Variants in CSMD1 observed in about 807,000 individuals in gnomAD.
The protein encoded by CSMD1 is CUB and sushi domain-containing protein 1.
CSMD1 carries 213 observed loss-of-function variants against 417.5 expected under a neutral mutation model. That is an observed-to-expected ratio of 0.51 (90% CI 0.46 to 0.57). The LOEUF (loss-of-function observed/expected upper bound fraction) is 0.57. CSMD1 is among the 20% of genes least tolerant of loss of function. The pLI is 0.00. For synonymous variants in CSMD1, 2,862 were observed against 1,736.8 expected (o/e 1.65, Z -16.11); for missense variants, 6,923 against 4,529.7 (o/e 1.53, Z -15.17).
intron 2 of CSMD1, among the ~76,000 whole-genome samples, chr8:4,456,355 A>C (rs1265703618): frequency 6.6e-6 from 1 of 152,218 alleles, no homozygotes; most frequent in East Asian, 1.9e-4. Flanking sequence ...CATGTTGGTA[A>C]AAATACTGTA....
chr8:4,330,778 A>G (rs1209929449), intron 3 of CSMD1, among the ~76,000 whole-genome samples: 1 of 151,864 alleles, frequency 6.6e-6, no homozygotes, highest in Admixed American at 6.6e-5. Context: ...CTCCCTACTT[A>G]TCATTTCTTT....
chr8:4,718,763 T>A (rs1382254), intron 1 of CSMD1, among the ~76,000 whole-genome samples: 1 of 152,084 alleles, frequency 6.6e-6, no homozygotes, highest in Non-Finnish European at 1.5e-5. Context: ...TAAAAGAAAA[T>A]ACTCTTTTTA....
chr8:3,932,704 G>A (rs1563225444), intron 5 of CSMD1, among the ~76,000 whole-genome samples: 1 of 150,462 alleles, frequency 6.6e-6, no homozygotes, highest in African/African-American at 2.5e-5. Flanking sequence ...ATTCATTGTG[G>A]TGGACTCTAA....
At chr8:4,157,310 C>G (rs1584926905) in intron 3 of CSMD1, among the ~76,000 whole-genome samples, 1 of 152,182 alleles carries the variant, frequency 6.6e-6, no homozygotes, top group South Asian at 2.1e-4. Context: ...GGTCACTGCA[C>G]CAGCAACTCA....
chr8:3,965,101 A>G (rs1053435820), intron 5 of CSMD1, among the ~76,000 whole-genome samples: 1 of 152,194 alleles, frequency 6.6e-6, no homozygotes, highest in East Asian at 1.9e-4. Flanking sequence ...TAGTAAATGG[A>G]TAACTTCAGG....
intron 3 of CSMD1, among the ~76,000 whole-genome samples, chr8:4,067,582 TTTTG>T (rs775180875): frequency 1.1e-4 from 16 of 152,210 alleles, no homozygotes; most frequent in African/African-American, 1.7e-4. Context: ...ACAACAGCAT[TTTTG>T]TTTATTAATT....
chr8:3,021,434 G>A (rs969840124), intron 51 of CSMD1, among the ~76,000 whole-genome samples: 1 of 152,156 alleles, frequency 6.6e-6, no homozygotes, highest in Non-Finnish European at 1.5e-5. Context: ...ACTAAAAATA[G>A]GCTTTGTCAT....
chr8:3,017,739 TG>T (rs1808966432), intron 52 of CSMD1, among the ~76,000 whole-genome samples: 1 of 149,044 alleles, frequency 6.7e-6, no homozygotes, highest in Non-Finnish European at 1.5e-5. Context: ...GCTTAGTTCC[TG>T]AAGTGATCTT....
At chr8:3,358,405 C>T (rs992752347) in intron 21 of CSMD1, among the ~76,000 whole-genome samples, 13 of 152,290 alleles carry the variant, frequency 8.5e-5, no homozygotes, top group African/African-American at 2.4e-4. Context: ...TAGCTAACTA[C>T]GAGAGCTCTG....
intron 1 of CSMD1, among the ~76,000 whole-genome samples, chr8:4,687,948 G>T (rs1330769660): frequency 6.6e-6 from 1 of 152,068 alleles, no homozygotes; most frequent in Non-Finnish European, 1.5e-5. Context: ...TCACATCCTA[G>T]ACATTTAACT....
At chr8:4,920,266 G>C (rs948921036) in intron 1 of CSMD1, among the ~76,000 whole-genome samples, 3 of 152,070 alleles carry the variant, frequency 2.0e-5, no homozygotes, top group Non-Finnish European at 4.4e-5. Context: ...TTATACTTAT[G>C]ACTGGCTGAA....
At chr8:3,842,235 C>G (rs1003536694) in intron 5 of CSMD1, among the ~76,000 whole-genome samples, 1 of 152,204 alleles carries the variant, frequency 6.6e-6, no homozygotes, top group East Asian at 1.9e-4. Flanking sequence ...ATCTGCTTGT[C>G]CATTTCTCTG....
At chr8:4,352,369 C>G (rs886764230) in intron 3 of CSMD1, among the ~76,000 whole-genome samples, 6 of 152,142 alleles carry the variant, frequency 3.9e-5, no homozygotes, top group South Asian at 4.1e-4. Flanking sequence ...AATTCACAAA[C>G]AGCAATAAAT....
chr8:3,177,596 G>C, intron 37 of CSMD1, among the ~76,000 whole-genome samples: 1 of 152,012 alleles, frequency 6.6e-6, no homozygotes, highest in East Asian at 1.9e-4. Flanking sequence ...GGGATAACTG[G>C]GGCAATAGAA....
intron 5 of CSMD1, among the ~76,000 whole-genome samples, chr8:3,850,893 G>T (rs1242522746): frequency 6.6e-6 from 1 of 151,948 alleles, no homozygotes; most frequent in East Asian, 1.9e-4. Flanking sequence ...TATTATCACA[G>T]GAAACAGAGT....
chr8:4,703,221 G>A (rs928637701), intron 1 of CSMD1, among the ~76,000 whole-genome samples: 2 of 152,188 alleles, frequency 1.3e-5, no homozygotes, highest in African/African-American at 4.8e-5. Flanking sequence ...AGCTCATACA[G>A]TGTAAACCAA....
intron 3 of CSMD1, among the ~76,000 whole-genome samples, chr8:4,295,011 G>A (rs1797580731): frequency 6.7e-6 from 1 of 148,484 alleles, no homozygotes; most frequent in Non-Finnish European, 1.5e-5. Flanking sequence ...AATCTAAGGT[G>A]TTAAGATTAT....
intron 3 of CSMD1, among the ~76,000 whole-genome samples, chr8:4,080,522 A>G (rs1800075426): frequency 6.6e-6 from 1 of 152,244 alleles, no homozygotes; most frequent in South Asian, 2.1e-4. Context: ...ATACTGATCA[A>G]GACTGTCTTG....
chr8:3,627,530 T>C (rs997598201), intron 7 of CSMD1, among the ~76,000 whole-genome samples: 7 of 152,204 alleles, frequency 4.6e-5, no homozygotes, highest in African/African-American at 1.4e-4. Flanking sequence ...ACTTTTAGTA[T>C]GTTCCTCATC....
Sources: allele counts gnomAD v4.1 joint callset (sites outside exome capture counted in the v4.1 genomes callset), GRCh38; gene constraint gnomAD v4.1.1; transcripts MANE v1.5; gene names NCBI Gene and HGNC (gene_info 2026-07-23, HGNC 2026-07-21).